The following LINGO2 variants were observed in gnomAD, a reference collection of about 807,000 sequenced individuals.
The protein encoded by LINGO2 is leucine-rich repeat and immunoglobulin-like domain-containing nogo receptor-interacting protein 2.
A neutral mutation model predicts 30.6 loss-of-function variants in LINGO2; 14 were observed. The observed-to-expected ratio is 0.46, with a 90% CI of 0.30 to 0.72. The LOEUF (loss-of-function observed/expected upper bound fraction) is 0.72. Among genes scored for constraint, LINGO2 ranks in the 30% least tolerant of loss-of-function variants. The pLI is 0.07. For synonymous variants in LINGO2, 317 were observed against 288.5 expected (o/e 1.10, Z -1.00); for missense variants, 729 against 751.7 (o/e 0.97, Z 0.35).
Position 28,104,255 on chromosome 9 carries a change from G to GTTTTTTTTTTTTTTTTTTTT in LINGO2, c.-86-91851_-86-91850insAAAAAAAAAAAAAAAAAAAA, listed in dbSNP as rs1453019033. Among the ~76,000 whole-genome samples the GTTTTTTTTTTTTTTTTTTTT allele has an allele frequency of 6.7e-5, 5 of 75,168 alleles. 1 individual carries two copies. Among genetic ancestry groups the GTTTTTTTTTTTTTTTTTTTT allele is most frequent in the Non-Finnish European group, 1.4e-4 (5 of 35,902 alleles). The allele number at this position is 75,168 out of a possible 152,430, so 49.3% of individuals were successfully genotyped here. ...AGGGATTTGCTTTTCCCCAGTACAA[G>GTTTTTTTTTTTTTTTTTTTT]TTTTTTGTTTGTTTTTTTTTTTTTT... On this transcript the variant is annotated intron_variant, in intron 4 of 5. Coordinates refer to ENST00000379992, the Ensembl canonical transcript of LINGO2.
chr9:28,305,491 C>T (rs1168434630), intron 3 of LINGO2, among the ~76,000 whole-genome samples: 1 of 151,964 alleles, frequency 6.6e-6, no homozygotes, highest in East Asian at 1.9e-4. Flanking sequence ...AGTACCAGAA[C>T]TGATTAATAT....
At chr9:28,433,914 G>GCTCTCGCTCT (rs2134966853) in intron 2 of LINGO2, among the ~76,000 whole-genome samples, 1 of 83,944 alleles carries the variant, frequency 1.2e-5, no homozygotes, top group South Asian at 4.6e-4. Flanking sequence ...AAGAAAATGT[G>GCTCTCGCTCT]CTCTCTCTTT....
At chr9:28,841,476 A>T in the LINGO2 span, among the ~76,000 whole-genome samples, 1 of 151,830 alleles carries the variant, frequency 6.6e-6, no homozygotes, top group Non-Finnish European at 1.5e-5. Flanking sequence ...TATTTAAGGC[A>T]TTATCCTAGG....
the LINGO2 span, among the ~76,000 whole-genome samples, chr9:29,101,404 C>G: frequency 6.6e-6 from 1 of 152,280 alleles, no homozygotes; most frequent in African/African-American, 2.4e-5. Flanking sequence ...TTAATTCCCA[C>G]ATTCAGAGAA....
the LINGO2 span, among the ~76,000 whole-genome samples, chr9:28,855,745 TG>T: frequency 6.6e-6 from 1 of 152,018 alleles, no homozygotes; most frequent in Non-Finnish European, 1.5e-5. Flanking sequence ...TTACCCTAGA[TG>T]CCTGCAGCTG....
the LINGO2 span, among the ~76,000 whole-genome samples, chr9:28,866,663 A>G: frequency 6.6e-6 from 1 of 152,198 alleles, no homozygotes; most frequent in Non-Finnish European, 1.5e-5. Context: ...AAGTAGATTG[A>G]TATTTTTGCT....
the LINGO2 span, among the ~76,000 whole-genome samples, chr9:28,930,281 C>A: frequency 1.3e-5 from 2 of 152,182 alleles, no homozygotes; most frequent in East Asian, 3.8e-4. The surrounding 1 kb of genome is among the most constrained non-coding windows in gnomAD (Gnocchi z 4.2). Flanking sequence ...TCTCTTGAAA[C>A]CCTGGCTTGA....
At chr9:28,879,450 C>A in the LINGO2 span, among the ~76,000 whole-genome samples, 1 of 152,126 alleles carries the variant, frequency 6.6e-6, no homozygotes, top group South Asian at 2.1e-4. Flanking sequence ...TGACACAAAA[C>A]ACCTCATTAA....
chr9:29,029,055 G>A, the LINGO2 span, among the ~76,000 whole-genome samples: 1 of 152,208 alleles, frequency 6.6e-6, no homozygotes, highest in African/African-American at 2.4e-5. Context: ...CTAACTGGAG[G>A]CACTCAAGCT....
At chr9:28,880,508 T>A in the LINGO2 span, among the ~76,000 whole-genome samples, 1 of 152,170 alleles carries the variant, frequency 6.6e-6, no homozygotes, top group East Asian at 1.9e-4. Context: ...AGGGGCACAA[T>A]GCACTGTGGA....
At chr9:28,972,486 T>A in the LINGO2 span, among the ~76,000 whole-genome samples, 1 of 151,986 alleles carries the variant, frequency 6.6e-6, no homozygotes, top group Non-Finnish European at 1.5e-5. Flanking sequence ...CAAGCAAAAA[T>A]TCTGGAGCTG....
chr9:28,871,010 A>G, the LINGO2 span, among the ~76,000 whole-genome samples: 1 of 151,978 alleles, frequency 6.6e-6, no homozygotes, highest in Non-Finnish European at 1.5e-5. Flanking sequence ...ACACAATTTT[A>G]TCTAAAAATT....
At chr9:28,506,388 G>T (rs1323060117) in intron 1 of LINGO2, among the ~76,000 whole-genome samples, 1 of 135,014 alleles carries the variant, frequency 7.4e-6, no homozygotes, top group Non-Finnish European at 1.6e-5. Context: ...TTTAATTGAG[G>T]GCTTCTTAGA....
the LINGO2 span, among the ~76,000 whole-genome samples, chr9:28,992,979 T>A: frequency 6.0e-5 from 9 of 150,964 alleles, no homozygotes; most frequent in Non-Finnish European, 1.3e-4. Context: ...GCAAACACAT[T>A]CAAAAGCTAG....
chr9:28,199,294 A>T (rs57897678), intron 4 of LINGO2, among the ~76,000 whole-genome samples: 4,376 of 150,946 alleles, frequency 0.029, 199 homozygotes, highest in African/African-American at 0.1. Flanking sequence ...TCTCTAATGT[A>T]CTCATAAAGT....
At chr9:28,251,641 G>T (rs1161815552) in intron 4 of LINGO2, among the ~76,000 whole-genome samples, 1 of 150,680 alleles carries the variant, frequency 6.6e-6, no homozygotes, top group East Asian at 1.9e-4. Context: ...TTCAAAAATA[G>T]AACTGTTTTC....
chr9:28,602,964 T>A (rs1245511277), intron 1 of LINGO2, among the ~76,000 whole-genome samples: 1 of 152,062 alleles, frequency 6.6e-6, no homozygotes, highest in African/African-American at 2.4e-5. Flanking sequence ...ACATAGAGTA[T>A]AGAAAGCAGT....
At chr9:28,319,914 C>T (rs913802341) in intron 3 of LINGO2, among the ~76,000 whole-genome samples, 2 of 152,038 alleles carry the variant, frequency 1.3e-5, no homozygotes, top group African/African-American at 4.8e-5. Context: ...GGTATTAATG[C>T]TTCACTGAGT....
intron 1 of LINGO2, among the ~76,000 whole-genome samples, chr9:28,660,783 T>A (rs1451090648): frequency 6.6e-6 from 1 of 152,064 alleles, no homozygotes; most frequent in Non-Finnish European, 1.5e-5. Flanking sequence ...CCCTCCATAG[T>A]CAATAAAACC....
Sources: allele counts gnomAD v4.1 joint callset (sites outside exome capture counted in the v4.1 genomes callset), GRCh38; gene constraint gnomAD v4.1.1; non-coding constraint Gnocchi (gnomAD v3.1); transcripts MANE v1.5; gene names NCBI Gene and HGNC (gene_info 2026-07-23, HGNC 2026-07-21).